The following COL4A6 variants were observed in gnomAD, a reference collection of about 807,000 sequenced individuals.
COL4A6 encodes collagen alpha-6(IV) chain.
Under a neutral mutation model 126.7 loss-of-function variants are expected in COL4A6, and 59 were observed. The ratio of observed to expected loss-of-function variants is 0.47; its 90% CI spans 0.38 to 0.58. COL4A6 has a LOEUF of 0.58. COL4A6 is among the 20% of genes least tolerant of loss of function. The pLI is 0.00. For synonymous variants in COL4A6, 547 were observed against 496.6 expected (o/e 1.10, Z -1.35); for missense variants, 1,285 against 1,337.3 (o/e 0.96, Z 0.61).
chrX:108,207,963 A>C (rs1221475978), intron 8 of COL4A6, among the ~76,000 whole-genome samples: 1 of 111,523 alleles, frequency 9.0e-6, no homozygotes, highest in East Asian at 2.8e-4. Flanking sequence ...TTTGCTCTAT[A>C]TTTGAAATTT....
At chrX:108,393,863 G>A (rs2040892669) in intron 2 of COL4A6, among the ~76,000 whole-genome samples, 1 of 112,184 alleles carries the variant, frequency 8.9e-6, no homozygotes, top group African/African-American at 3.2e-5. Flanking sequence ...GGAAGACAGT[G>A]TGGCAATTCC....
chrX:108,390,297 T>A (rs1271380329), intron 2 of COL4A6, among the ~76,000 whole-genome samples: 4 of 111,212 alleles, frequency 3.6e-5, no homozygotes, highest in African/African-American at 6.5e-5. Flanking sequence ...TTGGGGAAGT[T>A]CTCCTGGATA....
At chrX:108,383,454 T>C in intron 2 of COL4A6, 2 of 485,626 alleles carry the variant, frequency 4.1e-6, no homozygotes, top group East Asian at 3.9e-5. Context: ...CCTCCTACAA[T>C]GAGTTTTGGG....
intron 21 of COL4A6, among the ~76,000 whole-genome samples, 160 bp from the exon 22 acceptor site, chrX:108,188,187 T>C (rs1569341045): frequency 8.9e-6 from 1 of 112,293 alleles, no homozygotes; most frequent in Non-Finnish European, 1.9e-5. Flanking sequence ...CCCATTTATT[T>C]CTGCACCTTT....
chrX:108,255,881 A>G (rs2036990600), intron 3 of COL4A6, among the ~76,000 whole-genome samples: 1 of 111,501 alleles, frequency 9.0e-6, no homozygotes, highest in African/African-American at 3.3e-5. Flanking sequence ...CATTAGAGAT[A>G]CAGCTGCCAT....
intron 2 of COL4A6, among the ~76,000 whole-genome samples, chrX:108,381,843 G>T (rs1352689537): frequency 1.8e-5 from 2 of 111,373 alleles, no homozygotes; most frequent in African/African-American, 6.5e-5. Flanking sequence ...TGATGATATT[G>T]GTATTAGTAA....
chrX:108,389,242 C>T (rs889592346), intron 2 of COL4A6, among the ~76,000 whole-genome samples: 5 of 111,515 alleles, frequency 4.5e-5, no homozygotes, highest in Non-Finnish European at 9.4e-5. Context: ...CCACTTGACC[C>T]AGAGCTGAGT....
At chrX:108,362,006 C>G (rs1007799428) in intron 2 of COL4A6, among the ~76,000 whole-genome samples, 3 of 111,015 alleles carry the variant, frequency 2.7e-5, no homozygotes, top group Non-Finnish European at 5.7e-5. Flanking sequence ...GCTATATGAA[C>G]TTGGACAAGT....
intron 2 of COL4A6, chrX:108,383,395 G>A (rs2040607052): frequency 2.1e-6 from 1 of 472,099 alleles, no homozygotes; most frequent in Non-Finnish European, 4.0e-6. Flanking sequence ...GTAAAACCCT[G>A]ACTCAAGCAG....
At chrX:108,438,493 C>G, upstream of COL4A6, 2 of 978,118 alleles carry the variant, frequency 2.0e-6, no homozygotes, top group Non-Finnish European at 2.6e-6. Context: ...ATCATCCCCC[C>G]TACCTTGGGC....
intron 2 of COL4A6, among the ~76,000 whole-genome samples, chrX:108,329,775 T>C (rs2039250893): frequency 9.0e-6 from 1 of 111,108 alleles, no homozygotes; most frequent in African/African-American, 3.3e-5. Flanking sequence ...TTTTATTTTA[T>C]GTTTGGGATT....
intron 2 of COL4A6, among the ~76,000 whole-genome samples, chrX:108,353,111 G>A (rs753005370): frequency 6.3e-5 from 7 of 111,657 alleles, no homozygotes; most frequent in African/African-American, 2.0e-4. Flanking sequence ...GGCTAGACAA[G>A]TTCACTGTCC....
chrX:108,405,130 C>A (rs1466523224), intron 2 of COL4A6, among the ~76,000 whole-genome samples: 1 of 111,487 alleles, frequency 9.0e-6, no homozygotes, highest in African/African-American at 3.3e-5. Flanking sequence ...TCCTCAGAAA[C>A]CTGGCACTTT....
At chrX:108,413,845 T>G (rs961598759) in intron 2 of COL4A6, among the ~76,000 whole-genome samples, 1 of 111,865 alleles carries the variant, frequency 8.9e-6, no homozygotes, top group Non-Finnish European at 1.9e-5. Context: ...TCAGACACAG[T>G]GTGGATAATA....
intron 27 of COL4A6, among the ~76,000 whole-genome samples, chrX:108,177,723 G>A (rs912878463): frequency 1.8e-5 from 2 of 112,132 alleles, no homozygotes; most frequent in Middle Eastern, 9.3e-3. Context: ...AAATCATGAC[G>A]ACAGAGGTAT....
rs931274089 is a variant in COL4A6, at chrX:108,350,670, A to G, written c.64-39842T>C. Among the ~76,000 whole-genome samples, 24 of 112,092 alleles carry G rather than the reference A, an allele frequency of 2.1e-4. No individual in the cohort carries two copies. In the Admixed American group the frequency reaches 2.3e-3, roughly 11 times the overall value. ...GGAGGTTCAGCTTCAAGAGAGATTT[A>G]AATCATTCATCTTCCCATAAGTAAC... On this transcript the variant is annotated intron_variant, in intron 2 of 44. Coordinates refer to ENST00000334504, the MANE Select transcript of COL4A6 (RefSeq NM_033641.4).
chrX:108,311,525 G>A (rs1358182891), intron 2 of COL4A6, among the ~76,000 whole-genome samples: 1 of 111,261 alleles, frequency 9.0e-6, no homozygotes, highest in Non-Finnish European at 1.9e-5. Flanking sequence ...GGCTCACTCT[G>A]CTTCAGTCAC....
intron 3 of COL4A6, among the ~76,000 whole-genome samples, chrX:108,300,366 C>CTGTGTG (rs3039370): frequency 1.9e-4 from 19 of 98,175 alleles, no homozygotes; most frequent in African/African-American, 6.4e-4. Flanking sequence ...CTCTCTCTCT[C>CTGTGTG]TGTGTGTGTG....
rs1364183448 is a variant in COL4A6, at chrX:108,205,486, G to A, written c.646-6C>T. The A allele has an allele frequency of 3.4e-6, 4 of 1,188,980 alleles. No individual in the cohort carries two copies. The African/African-American group carries it at 7.1e-5, about 21-fold the overall frequency. ...AAACCTAGCCCCATATTCCCCTAGG[G>A]AATAGGGATATAGGGAGGAAAAACA... is the stretch of plus-strand genomic sequence containing the variant. On this transcript the variant is annotated splice_polypyrimidine_tract_variant and splice_region_variant and intron_variant, in intron 10 of 44. Coordinates refer to ENST00000334504, the MANE Select transcript of COL4A6 (RefSeq NM_033641.4).
Sources: allele counts gnomAD v4.1 joint callset (sites outside exome capture counted in the v4.1 genomes callset), GRCh38; gene constraint gnomAD v4.1.1; transcripts MANE v1.5; gene names NCBI Gene and HGNC (gene_info 2026-07-23, HGNC 2026-07-21).